GMDS: variants seen among roughly 807,000 people sequenced by gnomAD.
GMDS encodes the protein GDP-mannose 4,6-dehydratase.
Under a neutral mutation model 49.9 loss-of-function variants are expected in GMDS, and 20 were observed. The ratio of observed to expected loss-of-function variants is 0.40; its 90% CI spans 0.28 to 0.58. The LOEUF (loss-of-function observed/expected upper bound fraction) is 0.58. Ranked by LOEUF, GMDS falls within the 20% of genes least tolerant of loss-of-function variation. GMDS has a pLI of 0.42. For synonymous variants in GMDS, 177 were observed against 178.6 expected (o/e 0.99, Z 0.07); for missense variants, 362 against 481.4 (o/e 0.75, Z 2.32).
chr6:2,123,951 A>G (rs1403726187), intron 2 of GMDS, among the ~76,000 whole-genome samples: 1 of 152,094 alleles, frequency 6.6e-6, no homozygotes, highest in Non-Finnish European at 1.5e-5. Context: ...TTTTAAAACA[A>G]CGTACCAACA....
chr6:2,142,798 CT>C (rs1364729777), intron 1 of GMDS, among the ~76,000 whole-genome samples: 1 of 152,106 alleles, frequency 6.6e-6, no homozygotes, highest in Non-Finnish European at 1.5e-5. Context: ...AGTTTCCACT[CT>C]TTGCACCTCT....
chr6:1,706,953 T>C (rs1253219878), intron 9 of GMDS, among the ~76,000 whole-genome samples: 2 of 152,230 alleles, frequency 1.3e-5, no homozygotes, highest in Non-Finnish European at 2.9e-5. Context: ...CCTACTCTCA[T>C]GGCAGTATTT....
At chr6:2,094,887 G>A (rs964999022) in intron 4 of GMDS, among the ~76,000 whole-genome samples, 4 of 152,126 alleles carry the variant, frequency 2.6e-5, no homozygotes, top group Admixed American at 2.0e-4. Flanking sequence ...ATCTCTTCCA[G>A]CTGCTACATT....
chr6:2,209,164 C>T (rs753128634), intron 1 of GMDS, among the ~76,000 whole-genome samples: 4 of 152,192 alleles, frequency 2.6e-5, no homozygotes, highest in Admixed American at 6.5e-5. Flanking sequence ...TTTGAGATTA[C>T]TTCCTAACTA....
chr6:1,898,046 CTCCCTTGCCATCCTGGACACCT>C (rs1760300963), intron 7 of GMDS, among the ~76,000 whole-genome samples: 1 of 125,120 alleles, frequency 8.0e-6, no homozygotes, highest in African/African-American at 2.9e-5. Context: ...CTACCCTGGC[CTCCCTTGCCATCCTGGACACCT>C]ACCCTGGCCT....
At chr6:1,995,181 A>G (rs1237722383) in intron 4 of GMDS, among the ~76,000 whole-genome samples, 3 of 152,124 alleles carry the variant, frequency 2.0e-5, no homozygotes. Context: ...CCTGGAGAAC[A>G]CGGCTCACCA....
intron 1 of GMDS, among the ~76,000 whole-genome samples, chr6:2,217,025 G>A (rs530544078): frequency 6.6e-6 from 1 of 152,026 alleles, no homozygotes; most frequent in African/African-American, 2.4e-5. Flanking sequence ...CCAGCCTCCC[G>A]CAGCCGCCCT....
chr6:1,859,708 C>G (rs1758096652), intron 7 of GMDS, among the ~76,000 whole-genome samples: 1 of 152,300 alleles, frequency 6.6e-6, no homozygotes, highest in South Asian at 2.1e-4. Flanking sequence ...TGCCCTTCCA[C>G]TGAGTGAATG....
intron 7 of GMDS, among the ~76,000 whole-genome samples, chr6:1,767,924 T>C (rs1162195525): frequency 1.3e-5 from 2 of 152,126 alleles, no homozygotes; most frequent in Admixed American, 6.5e-5. Flanking sequence ...AGTGTTTACA[T>C]TTTGACTCTC....
At chr6:2,030,292 G>T (rs1199262072) in intron 4 of GMDS, among the ~76,000 whole-genome samples, 3 of 152,214 alleles carry the variant, frequency 2.0e-5, no homozygotes, top group Non-Finnish European at 4.4e-5. Context: ...GGGAACACCT[G>T]TGTCAAATTT....
intron 7 of GMDS, among the ~76,000 whole-genome samples, chr6:1,799,060 C>T (rs958974574): frequency 6.6e-6 from 1 of 152,150 alleles, no homozygotes; most frequent in Admixed American, 6.5e-5. Context: ...AACTTTCAAA[C>T]CTTTACTCCT....
chr6:1,916,507 T>G (rs1581357232), intron 7 of GMDS, among the ~76,000 whole-genome samples: 3 of 143,448 alleles, frequency 2.1e-5, no homozygotes, highest in South Asian at 2.2e-4. Context: ...AAAAGAGAGG[T>G]AGGGATGAAC....
chr6:1,976,546 T>C (rs539879796), intron 4 of GMDS, among the ~76,000 whole-genome samples: 12 of 152,200 alleles, frequency 7.9e-5, no homozygotes, highest in Non-Finnish European at 1.3e-4. Context: ...GATGCCTTTT[T>C]CTAAATTCCA....
chr6:2,220,041 C>T (rs1393725132), intron 1 of GMDS, among the ~76,000 whole-genome samples: 1 of 152,148 alleles, frequency 6.6e-6, no homozygotes, highest in Non-Finnish European at 1.5e-5. Context: ...GTGTGAAGGG[C>T]TTATTCAAGG....
chr6:2,245,035 GCA>G (rs1176204755), intron 1 of GMDS, among the ~76,000 whole-genome samples: 1 of 152,334 alleles, frequency 6.6e-6, no homozygotes. Flanking sequence ...CACCTGAGGG[GCA>G]GGTGAGAGCG....
At chr6:2,133,524 ATAAT>A (rs1775848418) in intron 1 of GMDS, among the ~76,000 whole-genome samples, 1 of 152,242 alleles carries the variant, frequency 6.6e-6, no homozygotes, top group African/African-American at 2.4e-5. Context: ...TTTCAAGGAT[ATAAT>A]TAATCCAGTT....
intron 7 of GMDS, among the ~76,000 whole-genome samples, chr6:1,873,435 G>T (rs572435159): frequency 8.0e-4 from 122 of 152,260 alleles, no homozygotes; most frequent in African/African-American, 2.9e-3. Context: ...ATAAGGGAAT[G>T]GAATTTTGAG....
chr6:2,204,340 A>AC (rs1779689044), intron 1 of GMDS, among the ~76,000 whole-genome samples: 1 of 152,188 alleles, frequency 6.6e-6, no homozygotes. Context: ...TGCAACAATT[A>AC]AATAGCAATG....
At chr6:1,788,203 C>T (rs1282508988) in intron 7 of GMDS, among the ~76,000 whole-genome samples, 11 of 152,158 alleles carry the variant, frequency 7.2e-5, no homozygotes, top group Admixed American at 1.3e-4. Flanking sequence ...AGGCCACAGT[C>T]GGGAGGGCGA....
Sources: gnomAD v4.1 joint callset for allele counts (sites outside exome capture counted in the v4.1 genomes callset) on GRCh38, gnomAD v4.1.1 for gene constraint, MANE v1.5 for transcripts, NCBI Gene and HGNC (gene_info 2026-07-23, HGNC 2026-07-21) for gene names.